DPH6: variants seen among roughly 807,000 people sequenced by gnomAD.
The protein encoded by DPH6 is diphthamine biosynthesis 6.
In DPH6, 33 loss-of-function variants were observed where a neutral mutation model predicts 38.2. The observed-to-expected ratio is 0.86, with a 90% CI of 0.65 to 1.15. The LOEUF (loss-of-function observed/expected upper bound fraction) is 1.15. DPH6 is among the 50% of genes most tolerant of loss of function. DPH6 has a pLI of 0.00. For missense variants in DPH6, 325 were observed against 320.0 expected, an observed-to-expected ratio of 1.02 and a Z score of -0.12; for synonymous variants, 108 against 103.0, an observed-to-expected ratio of 1.05 and a Z score of -0.30.
chr15:35,321,879 C>T (rs373412949), intron 3 of DPH6, among the ~76,000 whole-genome samples: 7 of 152,132 alleles, frequency 4.6e-5, no homozygotes, highest in African/African-American at 7.2e-5. Context: ...GTTTAACTGA[C>T]GGGAACCTCG....
rs373524370 is a variant in DPH6, at chr15:35,305,081, T to A, written n.200+68440A>T. ...ATGGAATTTTTACATGACCAACTCA[T>A]ATACTCATTAAAGGTACTGAGATAT... is the stretch of plus-strand genomic sequence containing the variant. On this transcript the variant is annotated intron_variant and non_coding_transcript_variant, in intron 3 of 3. Coordinates refer to the DPH6 transcript ENST00000560386. 5.5e-4 allele frequency among the ~76,000 whole-genome samples: 83 copies of A among 152,238 alleles called. 1 individual carries two copies. In the South Asian group the frequency reaches 0.017, roughly 30 times the overall value.
At chr15:35,538,777 ATTAGT>A (rs886636671) in intron 2 of DPH6, among the ~76,000 whole-genome samples, 2 of 152,258 alleles carry the variant, frequency 1.3e-5, no homozygotes, top group East Asian at 1.9e-4. Context: ...ATAAATTTTG[ATTAGT>A]TTATTCAGTT....
intron 3 of DPH6, among the ~76,000 whole-genome samples, chr15:35,365,428 G>A (rs943585964): frequency 7.9e-5 from 12 of 152,000 alleles, no homozygotes; most frequent in South Asian, 4.1e-4. Flanking sequence ...TGAATAAATC[G>A]TATGAGGATT....
intron 3 of DPH6, among the ~76,000 whole-genome samples, chr15:35,261,568 C>G (rs1445580934): frequency 6.6e-6 from 1 of 151,988 alleles, no homozygotes; most frequent in Non-Finnish European, 1.5e-5. Flanking sequence ...ACATGTGGCT[C>G]GTGCCTGTAA....
chr15:35,406,144 C>T (rs1031420035), intron 6 of DPH6, among the ~76,000 whole-genome samples: 1 of 151,888 alleles, frequency 6.6e-6, no homozygotes, highest in Non-Finnish European at 1.5e-5. Flanking sequence ...GCAAGAAAAC[C>T]TTACAGTAGT....
chr15:35,508,900 T>G (rs1201373669), intron 3 of DPH6, among the ~76,000 whole-genome samples: 2 of 152,188 alleles, frequency 1.3e-5, no homozygotes, highest in Non-Finnish European at 2.9e-5. Context: ...GGAAATATTT[T>G]TAAACATATA....
chr15:35,156,473 A>C, the DPH6 span, among the ~76,000 whole-genome samples: 4 of 152,158 alleles, frequency 2.6e-5, no homozygotes, highest in Admixed American at 1.3e-4. Flanking sequence ...TCAACACTTT[A>C]AAATGTTCTC....
chr15:35,283,623 C>A (rs2051918039), intron 3 of DPH6, among the ~76,000 whole-genome samples: 1 of 152,112 alleles, frequency 6.6e-6, no homozygotes, highest in Non-Finnish European at 1.5e-5. Flanking sequence ...TGGTTCTTCC[C>A]ACCCCATCAA....
chr15:35,239,575 C>T (rs534617465), intron 3 of DPH6, among the ~76,000 whole-genome samples: 5,095 of 142,514 alleles, frequency 0.036, 749 homozygotes, highest in African/African-American at 0.12. Flanking sequence ...CTTGTCTCTA[C>T]CCCTTCTCTG....
intron 3 of DPH6, among the ~76,000 whole-genome samples, chr15:35,280,535 G>A (rs1167755019): frequency 1.3e-5 from 2 of 152,134 alleles, no homozygotes; most frequent in African/African-American, 4.8e-5. Context: ...TTCATATTGT[G>A]CACATGCCAA....
the DPH6 span, among the ~76,000 whole-genome samples, chr15:35,152,861 AGTGGGAGGAATATAATTTT>A: frequency 1.1e-3 from 165 of 152,300 alleles, 1 homozygote; most frequent in Non-Finnish European, 1.0e-4. Context: ...TGTTGTACTT[AGTGGGAGGAATATAATTTT>A]ATTCTAGAAG....
chr15:35,323,602 G>T (rs2052258531), intron 3 of DPH6, among the ~76,000 whole-genome samples: 1 of 152,052 alleles, frequency 6.6e-6, no homozygotes, highest in Admixed American at 6.6e-5. Flanking sequence ...AAAGCCTATT[G>T]TTCACTTTAT....
At chr15:35,208,670 A>G in the DPH6 span, among the ~76,000 whole-genome samples, 1 of 152,228 alleles carries the variant, frequency 6.6e-6, no homozygotes, top group Admixed American at 6.5e-5. Context: ...CTTATCTGTT[A>G]CTATGCCAGT....
At chr15:35,443,290 C>T (rs1476106214) in intron 5 of DPH6, among the ~76,000 whole-genome samples, 1 of 152,092 alleles carries the variant, frequency 6.6e-6, no homozygotes, top group African/African-American at 2.4e-5. Flanking sequence ...TGAGTCCCAA[C>T]AAGAGTTCTC....
At chr15:35,541,327 T>C (rs961674682) in intron 2 of DPH6, among the ~76,000 whole-genome samples, 5 of 152,134 alleles carry the variant, frequency 3.3e-5, no homozygotes, top group Non-Finnish European at 5.9e-5. Flanking sequence ...TAGTTCATTA[T>C]ACACCTGTCC....
At chr15:35,217,902 C>G (rs1419029543) in exon 4 of DPH6, 1 of 152,212 alleles carries the variant, frequency 6.6e-6, no homozygotes, top group African/African-American at 2.4e-5. Context: ...AAATGGCATA[C>G]ACACATCCTC....
rs140869121 is a variant in DPH6 at position 35,416,221 on chromosome 15, C to G, written c.506-5325G>C. Among the ~76,000 whole-genome samples the G allele has an allele frequency of 3.7e-3, 570 of 152,006 alleles. 6 individuals carry two copies. The highest frequency in any genetic ancestry group is 0.013 in the African/African-American group (547 of 41,500). On this transcript the variant is annotated intron_variant, in intron 5 of 8. Transcript: ENST00000256538. ...GGCCGCATTCAAAGCCGTCCTGGGT[C>G]GCAGGTTGAATAAGCTTGTTTTAGA...
At chr15:35,528,137 G>T (rs759647189) in intron 3 of DPH6, among the ~76,000 whole-genome samples, 2 of 152,090 alleles carry the variant, frequency 1.3e-5, no homozygotes, top group African/African-American at 2.4e-5. Flanking sequence ...TATTTGAAAA[G>T]ATACTAATAT....
the DPH6 span, among the ~76,000 whole-genome samples, chr15:35,186,993 G>A: frequency 6.6e-6 from 1 of 152,182 alleles, no homozygotes; most frequent in East Asian, 1.9e-4. Flanking sequence ...AGTTCAATAA[G>A]TATTTCTTTG....
Sources: gnomAD v4.1 joint callset for allele counts (sites outside exome capture counted in the v4.1 genomes callset) on GRCh38, gnomAD v4.1.1 for gene constraint, MANE v1.5 for transcripts, NCBI Gene and HGNC (gene_info 2026-07-23, HGNC 2026-07-21) for gene names.